The following RGS7BP variants were observed in gnomAD, a reference collection of about 807,000 sequenced individuals.
RGS7BP encodes regulator of G protein signaling 7 binding protein.
Under a neutral mutation model 31.3 loss-of-function variants are expected in RGS7BP, and 9 were observed. The observed-to-expected ratio is 0.29, with a 90% CI of 0.17 to 0.50. The LOEUF (loss-of-function observed/expected upper bound fraction) is 0.50. RGS7BP is among the 20% of genes least tolerant of loss of function. RGS7BP has a pLI of 0.98. For missense variants in RGS7BP, 274 were observed against 322.0 expected, an observed-to-expected ratio of 0.85 and a Z score of 1.14; for synonymous variants, 115 against 120.1, an observed-to-expected ratio of 0.96 and a Z score of 0.28.
At chr5:64,544,388 T>C (rs1011272196) in intron 2 of RGS7BP, among the ~76,000 whole-genome samples, 1 of 151,904 alleles carries the variant, frequency 6.6e-6, no homozygotes, top group East Asian at 1.9e-4. Context: ...TGAAGATGTA[T>C]AGGAGGCCAG....
intron 2 of RGS7BP, among the ~76,000 whole-genome samples, chr5:64,533,424 A>G (rs1348042221): frequency 6.6e-6 from 1 of 152,216 alleles, no homozygotes; most frequent in Non-Finnish European, 1.5e-5. Context: ...AATATCTCCC[A>G]GAACACGAGT....
intron 2 of RGS7BP, among the ~76,000 whole-genome samples, chr5:64,533,243 A>G (rs1749418584): frequency 6.6e-6 from 1 of 152,134 alleles, no homozygotes; most frequent in Non-Finnish European, 1.5e-5. Context: ...TAGAGCTGAG[A>G]GAGACTGATG....
chr5:64,594,585 CTAT>C, intron 3 of RGS7BP, 122 bp from the exon 4 acceptor site: 1 of 800,976 alleles, frequency 1.2e-6, no homozygotes. Context: ...ACTCAGAAAG[CTAT>C]TAGGGTTAAT....
intron 1 of RGS7BP, 97 bp from the exon 2 acceptor site, chr5:64,507,614 C>T: frequency 1.8e-6 from 2 of 1,127,424 alleles, no homozygotes; most frequent in Non-Finnish European, 2.5e-6. Context: ...GGAGCTGACT[C>T]AGGGGTCAGT....
intron 3 of RGS7BP, among the ~76,000 whole-genome samples, chr5:64,590,646 T>G (rs1352951922): frequency 1.3e-5 from 2 of 152,184 alleles, no homozygotes; most frequent in Non-Finnish European, 2.9e-5. Context: ...GATAGTAATT[T>G]ATAGTTTCCT....
intron 2 of RGS7BP, among the ~76,000 whole-genome samples, chr5:64,545,102 G>A (rs1741621950): frequency 6.6e-6 from 1 of 151,990 alleles, no homozygotes; most frequent in East Asian, 1.9e-4. Flanking sequence ...CTTGAACCCA[G>A]GAAGAAGAGG....
chr5:64,584,838 A>T (rs1344766822), intron 3 of RGS7BP, among the ~76,000 whole-genome samples: 1 of 152,220 alleles, frequency 6.6e-6, no homozygotes, highest in African/African-American at 2.4e-5. Context: ...CCCTAAGAAT[A>T]TCTTCTTACC....
At chr5:64,511,690 C>T (rs1294739036) in intron 2 of RGS7BP, among the ~76,000 whole-genome samples, 1 of 152,114 alleles carries the variant, frequency 6.6e-6, no homozygotes, top group Non-Finnish European at 1.5e-5. Context: ...TTTGAGGAGT[C>T]TAAGATTCAG....
chr5:64,519,954 T>A (rs182121102), intron 2 of RGS7BP, among the ~76,000 whole-genome samples: 286 of 152,334 alleles, frequency 1.9e-3, no homozygotes, highest in African/African-American at 6.6e-3. Flanking sequence ...GATATCTTCA[T>A]GATTCTTTTG....
chr5:64,606,593 C>A (rs756950555), intron 5 of RGS7BP, among the ~76,000 whole-genome samples: 2 of 152,044 alleles, frequency 1.3e-5, no homozygotes, highest in Non-Finnish European at 2.9e-5. Flanking sequence ...AGGTAAAATT[C>A]TTTACCCCTC....
At chr5:64,533,656 AAAGT>A (rs377142983) in intron 2 of RGS7BP, among the ~76,000 whole-genome samples, 383 of 152,356 alleles carry the variant, frequency 2.5e-3, no homozygotes, top group African/African-American at 8.3e-3. Flanking sequence ...TTCCATAAAT[AAAGT>A]ATGTACAAGA....
At chr5:64,569,828 T>C (rs1171918036) in intron 2 of RGS7BP, among the ~76,000 whole-genome samples, 1 of 152,192 alleles carries the variant, frequency 6.6e-6, no homozygotes, top group Non-Finnish European at 1.5e-5. Flanking sequence ...TAATCCCTTT[T>C]CTTCCTATTT....
intron 2 of RGS7BP, among the ~76,000 whole-genome samples, chr5:64,524,331 C>T (rs1749179172): frequency 6.6e-6 from 1 of 152,130 alleles, no homozygotes; most frequent in African/African-American, 2.4e-5. Context: ...TTTCTCCTGC[C>T]CTTTCCTTTC....
chr5:64,581,134 A>G (rs1742586063), intron 3 of RGS7BP, among the ~76,000 whole-genome samples: 1 of 152,152 alleles, frequency 6.6e-6, no homozygotes, highest in Admixed American at 6.5e-5. Flanking sequence ...GGATTGCTTG[A>G]GGTGGGATGC....
At chr5:64,553,228 A>G (rs1741840070) in intron 2 of RGS7BP, among the ~76,000 whole-genome samples, 1 of 133,416 alleles carries the variant, frequency 7.5e-6, no homozygotes, top group Non-Finnish European at 1.5e-5. Context: ...GCTGGAGTGC[A>G]GTGGCATGAT....
intron 2 of RGS7BP, among the ~76,000 whole-genome samples, chr5:64,573,267 C>T (rs553148453): frequency 2.0e-5 from 3 of 151,838 alleles, no homozygotes; most frequent in Admixed American, 6.6e-5. Context: ...TCAGAAGCAC[C>T]TAATACATTG....
intron 2 of RGS7BP, among the ~76,000 whole-genome samples, chr5:64,550,237 A>G (rs953635583): frequency 6.6e-6 from 1 of 152,156 alleles, no homozygotes; most frequent in African/African-American, 2.4e-5. Context: ...AACAACAGAC[A>G]CTGATTTTCT....
chr5:64,533,101 A>G (rs899699348), intron 2 of RGS7BP, among the ~76,000 whole-genome samples: 1 of 152,098 alleles, frequency 6.6e-6, no homozygotes, highest in African/African-American at 2.4e-5. Flanking sequence ...CCCTCTTGCT[A>G]TGGCCCAGGT....
At chr5:64,592,786 A>C (rs967074338) in intron 3 of RGS7BP, among the ~76,000 whole-genome samples, 14 of 152,176 alleles carry the variant, frequency 9.2e-5, no homozygotes, top group Admixed American at 7.9e-4. Context: ...TCGAACCCAC[A>C]GGAGTGTAAC....
Sources: gnomAD v4.1 joint callset for allele counts (sites outside exome capture counted in the v4.1 genomes callset) on GRCh38, gnomAD v4.1.1 for gene constraint, MANE v1.5 for transcripts, NCBI Gene and HGNC (gene_info 2026-07-23, HGNC 2026-07-21) for gene names.